The following PLCXD3 variants were observed in gnomAD, a reference collection of about 807,000 sequenced individuals.
PLCXD3 encodes PI-PLC X domain-containing protein 3.
Under a neutral mutation model 25.5 loss-of-function variants are expected in PLCXD3, and 19 were observed. The observed-to-expected ratio is 0.75, with a 90% CI of 0.52 to 1.09. PLCXD3 has a LOEUF of 1.09. Among genes scored for constraint, PLCXD3 ranks in the 50% least tolerant of loss-of-function variants. PLCXD3 has a pLI of 0.00. For missense variants in PLCXD3, 411 were observed against 388.1 expected, an observed-to-expected ratio of 1.06 and a Z score of -0.50; for synonymous variants, 174 against 137.6, an observed-to-expected ratio of 1.26 and a Z score of -1.85.
rs766543977 is a variant in PLCXD3, at chr5:41,510,468, G to A, written c.59C>T (p.Pro20Leu). Reference protein sequence around the residue: ...LKLADWMATLPESMHSIPLTN... With the variant: ...LKLADWMATLLESMHSIPLTN... ...GAGGGGGATGCTGTGCATGCTCTCC[G>A]GCAGAGTTGCCATCCAGTCGGCTAA... The change falls in exon 1 of 3, where the codon CCG becomes CTG. Residue 20 changes from proline (P) to leucine (L), a missense_variant. Pro to Leu is a moderately conservative substitution (Grantham distance 98). Transcript: ENST00000377801. 2.5e-6 allele frequency: 4 copies of A among 1,612,374 alleles called. No individual in the cohort carries two copies. The highest frequency in any genetic ancestry group is 2.2e-5 in the South Asian group (2 of 90,864).
chr5:41,400,322 C>G (rs951859683), intron 1 of PLCXD3, among the ~76,000 whole-genome samples: 1 of 152,002 alleles, frequency 6.6e-6, no homozygotes, highest in African/African-American at 2.4e-5. Flanking sequence ...TATGATCTAG[C>G]CATCCCACTG....
intron 1 of PLCXD3, among the ~76,000 whole-genome samples, chr5:41,429,945 C>T (rs1016069435): frequency 6.6e-6 from 1 of 151,824 alleles, no homozygotes; most frequent in Admixed American, 6.6e-5. Flanking sequence ...ACCTTGATGC[C>T]CCTGGAAACA....
At chr5:41,502,433 G>C (rs1256483708) in intron 1 of PLCXD3, among the ~76,000 whole-genome samples, 2 of 152,026 alleles carry the variant, frequency 1.3e-5, no homozygotes, top group Non-Finnish European at 2.9e-5. Context: ...TGATGGGTCA[G>C]AGCACATCAA....
At chr5:41,456,644 T>C (rs973954091) in intron 1 of PLCXD3, 54 of 503,562 alleles carry the variant, frequency 1.1e-4, no homozygotes, top group East Asian at 4.5e-4. Flanking sequence ...TATTTGGAGG[T>C]TGGGCCTTTG....
chr5:41,491,870 G>A (rs1461681785), intron 1 of PLCXD3, among the ~76,000 whole-genome samples: 1 of 151,974 alleles, frequency 6.6e-6, no homozygotes, highest in Non-Finnish European at 1.5e-5. Context: ...CACACTGATG[G>A]GTCTTGACTC....
intron 1 of PLCXD3, among the ~76,000 whole-genome samples, chr5:41,399,430 C>A (rs577021714): frequency 2.0e-5 from 3 of 152,146 alleles, no homozygotes; most frequent in Admixed American, 6.5e-5. Context: ...AATCACAATA[C>A]CTGACTTTAA....
intron 1 of PLCXD3, among the ~76,000 whole-genome samples, chr5:41,475,387 G>T (rs1039552989): frequency 2.0e-5 from 3 of 152,112 alleles, no homozygotes; most frequent in Non-Finnish European, 2.9e-5. Context: ...GCAAGTTTCT[G>T]CTGGCTTCTG....
chr5:41,343,300 C>T (rs1307326945), intron 2 of PLCXD3, among the ~76,000 whole-genome samples: 2 of 151,932 alleles, frequency 1.3e-5, no homozygotes, highest in African/African-American at 2.4e-5. Context: ...GTGGAATAAC[C>T]TTTGTATGCA....
At chr5:41,319,430 T>C (rs1350519890) in intron 2 of PLCXD3, among the ~76,000 whole-genome samples, 1 of 152,174 alleles carries the variant, frequency 6.6e-6, no homozygotes, top group African/African-American at 2.4e-5. Flanking sequence ...CACAATGGGA[T>C]ATAACTAGAA....
In PLCXD3 at chr5:41,311,142, G is replaced by A. The variant is rs1028815190; in HGVS notation, c.*2475C>T. 6.6e-5 allele frequency: 10 copies of A among 151,940 alleles called. No individual in the cohort carries two copies. The highest frequency in any genetic ancestry group is 2.4e-4 in the African/African-American group (10 of 41,378). 9.4% of individuals were successfully genotyped at this position (151,940 alleles called of 1,614,324 possible). A position where few individuals can be genotyped will look rare whatever the true frequency, so the allele number is the denominator to read the frequency against. On this transcript the variant is annotated 3_prime_UTR_variant, in exon 3 of 3. Transcript: ENST00000377801. ...TTCATGTGTCATTGCAAATATTCTT[G>A]GCTAAGATCCTCCTGAAGGATGAAT...
rs1357410681 is a variant in PLCXD3 at position 41,374,592 on chromosome 5, T to C, written c.812+7234A>G. Among the ~76,000 whole-genome samples the C allele has an allele frequency of 2.6e-5, 4 of 152,182 alleles. No homozygotes were observed. The East Asian group carries it at 7.7e-4, about 29-fold the overall frequency. ...ATATATGTATCTGTATGCATACATATCTATAGAGACAGGGAGTGACAGAGA... is the reference window on the plus strand; with the variant it reads ...ATATATGTATCTGTATGCATACATACCTATAGAGACAGGGAGTGACAGAGA... On this transcript the variant is annotated intron_variant, in intron 2 of 2. Coordinates refer to ENST00000377801, the MANE Select transcript of PLCXD3 (RefSeq NM_001005473.3).
chr5:41,313,857 A>T, intron 2 of PLCXD3, 87 bp from the exon 3 acceptor site: 1 of 1,405,664 alleles, frequency 7.1e-7, no homozygotes, highest in Non-Finnish European at 9.5e-7. Flanking sequence ...TTTAGTTTCT[A>T]GCTTATTAAA....
At chr5:41,366,256 C>A (rs1386335480) in intron 2 of PLCXD3, among the ~76,000 whole-genome samples, 2 of 152,236 alleles carry the variant, frequency 1.3e-5, no homozygotes, top group Non-Finnish European at 2.9e-5. Context: ...AGATAAGCCA[C>A]ACAATGTTGG....
intron 1 of PLCXD3, among the ~76,000 whole-genome samples, chr5:41,398,233 G>C (rs1299569821): frequency 6.6e-6 from 1 of 152,190 alleles, no homozygotes; most frequent in Non-Finnish European, 1.5e-5. Context: ...CCTGGTGGGA[G>C]ATATTAAATC....
chr5:41,366,094 C>G lies in PLCXD3; in HGVS notation c.812+15732G>C, dbSNP rs1215278494. Among the ~76,000 whole-genome samples the G allele has an allele frequency of 2.6e-5, 4 of 152,118 alleles. 1 individual carries two copies. ...TCTCCTAATGCTATCCCTCCCCACT[C>G]TCCCAGCCCCACGACAGGCCCTGGT... On this transcript the variant is annotated intron_variant, in intron 2 of 2. Transcript: ENST00000377801.
intron 2 of PLCXD3, among the ~76,000 whole-genome samples, chr5:41,342,185 CTCAGA>C (rs1348181636): frequency 2.6e-5 from 4 of 152,162 alleles, no homozygotes; most frequent in Non-Finnish European, 5.9e-5. Flanking sequence ...ATATTATCAG[CTCAGA>C]GTATCCTACT....
intron 1 of PLCXD3, among the ~76,000 whole-genome samples, chr5:41,478,359 T>G (rs1313469734): frequency 6.6e-6 from 1 of 152,178 alleles, no homozygotes; most frequent in Non-Finnish European, 1.5e-5. Context: ...TATCATCAAA[T>G]ATTTGGTCCC....
Position 41,382,175 on chromosome 5 carries a change from G to C in PLCXD3, c.463C>G (p.His155Asp). 1 of 1,613,640 alleles carries C rather than the reference G, an allele frequency of 6.2e-7. No individual in the cohort carries two copies. The highest frequency in any genetic ancestry group is 2.2e-5 in the East Asian group (1 of 44,852). The stretch of plus-strand genomic sequence containing the variant: ...TTCAGCATTTGGACCAGTTTTTCAT[G>C]GTGATATTTCTGCATCCCATAAAAG... ...NHFYGMQKYH[H>D]EKLVQMLKDI... The change falls in exon 2 of 3, where the codon CAT (histidine) becomes GAT (aspartate). Residue 155 changes from histidine to aspartate, a missense_variant. His to Asp is a moderately conservative substitution (Grantham distance 81, BLOSUM62 -1). Coordinates refer to ENST00000377801, the MANE Select transcript of PLCXD3 (RefSeq NM_001005473.3).
intron 1 of PLCXD3, among the ~76,000 whole-genome samples, chr5:41,486,431 C>T (rs189549168): frequency 6.6e-6 from 1 of 152,188 alleles, no homozygotes; most frequent in Non-Finnish European, 1.5e-5. Flanking sequence ...GCCCCTCCCA[C>T]AACAGTCCAT....
Sources: allele counts gnomAD v4.1 joint callset (sites outside exome capture counted in the v4.1 genomes callset), GRCh38; gene constraint gnomAD v4.1.1; transcripts MANE v1.5; gene names NCBI Gene and HGNC (gene_info 2026-07-23, HGNC 2026-07-21).